WWC1: variants seen among roughly 807,000 people sequenced by gnomAD.
WWC1 encodes WW and C2 domain containing 1.
Under a neutral mutation model 138.4 loss-of-function variants are expected in WWC1, and 55 were observed. The ratio of observed to expected loss-of-function variants is 0.40; its 90% CI spans 0.32 to 0.50. The LOEUF (loss-of-function observed/expected upper bound fraction) is 0.50. Among genes scored for constraint, WWC1 ranks in the 20% least tolerant of loss-of-function variants. The pLI, the probability that WWC1 is intolerant of heterozygous loss-of-function variation, is 0.72. For synonymous variants in WWC1, 524 were observed against 564.9 expected (o/e 0.93, Z 1.03); for missense variants, 1,226 against 1,420.4 (o/e 0.86, Z 2.20).
chr5:168,415,912 T>A (rs1193795829), intron 9 of WWC1: 1 of 145,602 alleles, frequency 6.9e-6, no homozygotes, highest in African/African-American at 2.5e-5. Flanking sequence ...TCTAGTGAAA[T>A]CAGAGGCAGA....
At chr5:168,435,249 G>A (rs1472872193) in intron 15 of WWC1, among the ~76,000 whole-genome samples, 1 of 151,942 alleles carries the variant, frequency 6.6e-6, no homozygotes, top group East Asian at 1.9e-4. Flanking sequence ...TCTGAGGGTG[G>A]GCCTTCTGCA....
intron 19 of WWC1, among the ~76,000 whole-genome samples, chr5:168,455,874 A>T (rs565470705): frequency 7.2e-5 from 11 of 152,168 alleles, no homozygotes; most frequent in Non-Finnish European, 1.6e-4. Flanking sequence ...CTTCAGGGCA[A>T]TTCTAGTGTA....
At chr5:168,376,832 A>G (rs1024788812) in intron 2 of WWC1, among the ~76,000 whole-genome samples, 4 of 152,248 alleles carry the variant, frequency 2.6e-5, no homozygotes, top group Non-Finnish European at 5.9e-5. Context: ...GGAAGAATCA[A>G]TATTGTTTAA....
At chr5:168,381,039 C>T (rs144595518) in intron 2 of WWC1, among the ~76,000 whole-genome samples, 31 of 152,196 alleles carry the variant, frequency 2.0e-4, no homozygotes, top group Non-Finnish European at 3.2e-4. Context: ...AATTGATGCC[C>T]ACTTCACACT....
In WWC1 at chr5:168,411,925, T is replaced by C. The variant is rs967064811; in HGVS notation, c.941+1930T>C. 7 of 961,880 alleles carry C rather than the reference T, an allele frequency of 7.3e-6. No individual in the cohort carries two copies. The African/African-American group carries it at 1.2e-4, about 17-fold the overall frequency. The allele number at this position is 961,880 out of a possible 1,614,324, so 59.6% of individuals were successfully genotyped here. A position where few individuals can be genotyped will look rare whatever the true frequency, so the allele number is the denominator to read the frequency against. ...AAAGGAGTGATTTCCCAAAGACAAA[T>C]TGGAATATTATTAACAAAAGAAGAA... On this transcript the variant is annotated intron_variant, in intron 8 of 22. Transcript: ENST00000265293.
At chr5:168,296,234 C>T (rs558245657) in intron 1 of WWC1, among the ~76,000 whole-genome samples, 1 of 152,278 alleles carries the variant, frequency 6.6e-6, no homozygotes, top group Non-Finnish European at 1.5e-5. Flanking sequence ...TGTATTCAGA[C>T]CTTCTCATAG....
rs1432790687 is a variant in WWC1, at chr5:168,464,821, C to T, written c.3009C>T (p.Ser1003=). 1 of 1,614,100 alleles carries T rather than the reference C, an allele frequency of 6.2e-7. No homozygotes were observed. The highest frequency in any genetic ancestry group is 2.2e-5 in the East Asian group (1 of 44,892). The stretch of plus-strand genomic sequence containing the variant: ...TGCAGGCGACAAGAACCTGGCACAG[C>T]CAATTGACCCAGGAGATCTCGGTGC... ...LDLQATRTWH[S]QLTQEISVLK... is the part of the protein sequence containing the mutation. Residue 1003 remains serine, a synonymous_variant, in exon 21 of 23, where the codon AGC becomes AGT. Coordinates refer to ENST00000265293, the MANE Select transcript of WWC1 (RefSeq NM_015238.3).
chr5:168,301,996 G>A (rs1770133279), intron 1 of WWC1, among the ~76,000 whole-genome samples: 1 of 152,156 alleles, frequency 6.6e-6, no homozygotes, highest in South Asian at 2.1e-4. Context: ...GTCTTATCAG[G>A]GGCAAGCCCT....
intron 21 of WWC1, among the ~76,000 whole-genome samples, chr5:168,465,992 A>G (rs1478556042): frequency 3.3e-5 from 5 of 152,108 alleles, no homozygotes; most frequent in Non-Finnish European, 5.9e-5. Flanking sequence ...AAGAGGGACC[A>G]TCTAGGTTAG....
chr5:168,450,634 C>G (rs936348269), intron 17 of WWC1, among the ~76,000 whole-genome samples: 1 of 152,040 alleles, frequency 6.6e-6, no homozygotes, highest in East Asian at 1.9e-4. Flanking sequence ...CCACTGCACT[C>G]CAGCCTGGGC....
chr5:168,375,321 T>A (rs972022829), intron 2 of WWC1, among the ~76,000 whole-genome samples: 1 of 151,988 alleles, frequency 6.6e-6, no homozygotes, highest in African/African-American at 2.4e-5. Flanking sequence ...GGAAACCGAG[T>A]GTGTTGGAAG....
intron 21 of WWC1, among the ~76,000 whole-genome samples, chr5:168,467,180 C>T (rs908430476): frequency 6.6e-6 from 1 of 152,198 alleles, no homozygotes; most frequent in Non-Finnish European, 1.5e-5. Context: ...ATGGCGTGAA[C>T]CCAGGAGGCG....
chr5:168,318,426 C>T (rs1771788052), intron 1 of WWC1, among the ~76,000 whole-genome samples: 1 of 152,094 alleles, frequency 6.6e-6, no homozygotes, highest in Admixed American at 6.6e-5. Flanking sequence ...CACCACCATC[C>T]ATCTTTAGAA....
At chr5:168,385,115 A>C in intron 2 of WWC1, 96 bp from the exon 3 acceptor site, 1 of 1,226,654 alleles carries the variant, frequency 8.2e-7, no homozygotes, top group Non-Finnish European at 1.2e-6. Flanking sequence ...TTGTCTATGC[A>C]TTTTGCTTTT....
At chr5:168,297,626 C>CAAAAA (rs70976474) in intron 1 of WWC1, among the ~76,000 whole-genome samples, 14 of 54,706 alleles carry the variant, frequency 2.6e-4, no homozygotes, top group African/African-American at 4.4e-4. Context: ...AACTCCATCT[C>CAAAAA]AAAAAAAAAA....
At chr5:168,399,366 G>A (rs1561707202) in intron 4 of WWC1, 122 bp from the exon 5 acceptor site, 2 of 957,948 alleles carry the variant, frequency 2.1e-6, no homozygotes, top group South Asian at 1.6e-5. Flanking sequence ...CGCAAGGGGT[G>A]CTGACCTGAG....
chr5:168,315,504 C>T (rs1771508582), intron 1 of WWC1, among the ~76,000 whole-genome samples: 1 of 152,058 alleles, frequency 6.6e-6, no homozygotes, highest in South Asian at 2.1e-4. Context: ...GAAGGGCCAC[C>T]TCTCCCTGGG....
intron 3 of WWC1, among the ~76,000 whole-genome samples, chr5:168,390,394 G>T (rs567287701): frequency 3.2e-4 from 48 of 152,286 alleles, no homozygotes; most frequent in African/African-American, 1.1e-3. Flanking sequence ...CCTCAGCCTT[G>T]TGATATGACT....
At chr5:168,381,846 A>G (rs1465883938) in intron 2 of WWC1, among the ~76,000 whole-genome samples, 1 of 151,092 alleles carries the variant, frequency 6.6e-6, no homozygotes, top group Non-Finnish European at 1.5e-5. Context: ...TTAAAAAGAA[A>G]AAAAAAAAAG....
Sources: allele counts gnomAD v4.1 joint callset (sites outside exome capture counted in the v4.1 genomes callset), GRCh38; gene constraint gnomAD v4.1.1; transcripts MANE v1.5; gene names NCBI Gene and HGNC (gene_info 2026-07-23, HGNC 2026-07-21).